RPA3: variants seen among roughly 807,000 people sequenced by gnomAD.
RPA3 encodes the protein replication protein A3.
A neutral mutation model predicts 13.7 loss-of-function variants in RPA3; 24 were observed. That is an observed-to-expected ratio of 1.75 (90% confidence interval 1.27 to 2.46). The LOEUF (loss-of-function observed/expected upper bound fraction) is 2.46. Among genes scored for constraint, RPA3 ranks in the 30% most tolerant of loss-of-function variants. The pLI is 0.00. For synonymous variants in RPA3, 59 were observed against 51.2 expected (o/e 1.15, Z -0.65); for missense variants, 183 against 151.0 (o/e 1.21, Z -1.11).
At chr7:7,714,657 G>A (rs932241480) in intron 2 of RPA3, among the ~76,000 whole-genome samples, 14 of 151,950 alleles carry the variant, frequency 9.2e-5, no homozygotes, top group Non-Finnish European at 1.8e-4. Context: ...TTATATGTTG[G>A]ACTTACATAA....
intron 2 of RPA3, among the ~76,000 whole-genome samples, chr7:7,710,601 T>C (rs569790116): frequency 1.3e-5 from 2 of 152,276 alleles, no homozygotes; most frequent in African/African-American, 4.8e-5. Flanking sequence ...TTATTGATGA[T>C]AGGAATGTAA....
rs556663225 is a variant in RPA3 at position 7,641,086 on chromosome 7, T to A, written c.-668A>T. The A allele has an allele frequency of 6.5e-6, 1 of 152,704 alleles. No homozygotes were observed. Among genetic ancestry groups the A allele is most frequent in the East Asian group, 1.9e-4 (1 of 5,184 alleles). The allele number at this position is 152,704 out of a possible 1,614,324, so 9.5% of individuals were successfully genotyped here. A position where few individuals can be genotyped will look rare whatever the true frequency, so the allele number is the denominator to read the frequency against. ...TGGGCAGCGGGGTCATCAGTGATCT[T>A]GATCACTTTCTTCAGGCTTTTGCCA... On this transcript the variant is annotated 5_prime_UTR_variant, in exon 5 of 8. Coordinates refer to ENST00000223129, the MANE Select transcript of RPA3 (RefSeq NM_002947.5).
chr7:7,670,787 C>T (rs987701475), intron 4 of RPA3, among the ~76,000 whole-genome samples: 3 of 152,212 alleles, frequency 2.0e-5, no homozygotes, highest in Admixed American at 6.5e-5. Flanking sequence ...AAACCACTCC[C>T]ATTTACAAAG....
At position 7,657,692 on chromosome 7, in the gene RPA3, C is replaced by T. The variant is rs570980097; in HGVS notation, c.-757-16517G>A. On this transcript the variant is annotated intron_variant, in intron 4 of 7. Coordinates refer to ENST00000223129, the MANE Select transcript of RPA3 (RefSeq NM_002947.5). ...GTATATCTCTGTTTTGGTACCCATA[C>T]CATGCTGTTTTGGTTACTGTAGTCT... 2.0e-5 allele frequency among the ~76,000 whole-genome samples: 3 copies of T among 152,136 alleles called. No individual in the cohort carries two copies. In the East Asian group the frequency reaches 5.8e-4, roughly 29 times the overall value.
At chr7:7,688,935 T>A (rs1247696901) in intron 2 of RPA3, among the ~76,000 whole-genome samples, 1 of 152,204 alleles carries the variant, frequency 6.6e-6, no homozygotes, top group East Asian at 1.9e-4. Context: ...TTTGTTAACT[T>A]ATCTATTACT....
intron 2 of RPA3, among the ~76,000 whole-genome samples, chr7:7,700,079 C>T (rs1780420445): frequency 6.6e-6 from 1 of 152,102 alleles, no homozygotes; most frequent in Non-Finnish European, 1.5e-5. Context: ...AGTCTGGGCT[C>T]CTTTAACAAA....
chr7:7,686,726 C>T (rs934414020), intron 3 of RPA3, among the ~76,000 whole-genome samples: 1 of 152,188 alleles, frequency 6.6e-6, no homozygotes, highest in Non-Finnish European at 1.5e-5. Context: ...CTACTAGTCC[C>T]TCAATATCTG....
At chr7:7,662,903 G>T (rs1350403452) in intron 4 of RPA3, among the ~76,000 whole-genome samples, 5 of 152,192 alleles carry the variant, frequency 3.3e-5, no homozygotes, top group Non-Finnish European at 7.3e-5. Flanking sequence ...TTTATAGTAT[G>T]CTAGAAACTA....
At chr7:7,691,598 A>AT (rs1030243794) in intron 2 of RPA3, among the ~76,000 whole-genome samples, 3 of 152,294 alleles carry the variant, frequency 2.0e-5, no homozygotes, top group African/African-American at 7.2e-5. Context: ...ATTTCAGATC[A>AT]TTTTGCTGGG....
intron 2 of RPA3, among the ~76,000 whole-genome samples, chr7:7,689,059 C>T (rs1257294306): frequency 1.3e-5 from 2 of 152,182 alleles, no homozygotes; most frequent in East Asian, 3.9e-4. Context: ...CCTACCTCTG[C>T]TTGACCATGC....
At chr7:7,666,184 T>TTTTG (rs146878102) in intron 4 of RPA3, among the ~76,000 whole-genome samples, 3,108 of 150,300 alleles carry the variant, frequency 0.021, 95 homozygotes, top group African/African-American at 0.066. Flanking sequence ...GGAAAGTGTT[T>TTTTG]TTTGTTTGTT....
rs536859025 is a variant in RPA3, at chr7:7,661,525, C to T, written c.-757-20350G>A. 5.9e-5 allele frequency among the ~76,000 whole-genome samples: 9 copies of T among 152,190 alleles called. No individual in the cohort carries two copies. The South Asian group carries it at 1.9e-3, about 32-fold the overall frequency. ...ACATCATTTTGTTGATGTTGATGCT[C>T]CTCCTTTCTGTTTGTTAGTTTTCCT... On this transcript the variant is annotated intron_variant, in intron 4 of 7. Coordinates refer to ENST00000223129, the MANE Select transcript of RPA3 (RefSeq NM_002947.5).
chr7:7,682,398 A>G (rs760030099), intron 4 of RPA3, among the ~76,000 whole-genome samples: 4 of 152,206 alleles, frequency 2.6e-5, no homozygotes, highest in Non-Finnish European at 4.4e-5. Flanking sequence ...CATTCTGGGA[A>G]CCAAACCACA....
intron 2 of RPA3, among the ~76,000 whole-genome samples, chr7:7,708,043 T>C (rs1338334671): frequency 6.6e-6 from 1 of 152,226 alleles, no homozygotes; most frequent in Non-Finnish European, 1.5e-5. Context: ...TTTGCTTCAT[T>C]AAGGTCTGTT....
chr7:7,702,937 A>G (rs1780498471), intron 2 of RPA3, among the ~76,000 whole-genome samples: 1 of 152,206 alleles, frequency 6.6e-6, no homozygotes, highest in African/African-American at 2.4e-5. Flanking sequence ...TTTATTTTTC[A>G]CTTGCGTCAT....
intron 2 of RPA3, among the ~76,000 whole-genome samples, chr7:7,707,838 A>G (rs1045485981): frequency 6.6e-6 from 1 of 152,328 alleles, no homozygotes; most frequent in Middle Eastern, 3.4e-3. Context: ...TTGCCTAGCC[A>G]GATCTTTTAA....
intron 4 of RPA3, 191 bp from the exon 5 acceptor site, chr7:7,641,366 A>ACCCCGAGCTAGGGTT (rs1329375988): frequency 4.6e-5 from 7 of 151,824 alleles, no homozygotes; most frequent in Non-Finnish European, 1.0e-4. Flanking sequence ...TCGTTGTTAG[A>ACCCCGAGCTAGGGTT]CCCCGAGCTA....
chr7:7,682,922 A>G (rs190406848), intron 4 of RPA3, among the ~76,000 whole-genome samples: 13 of 152,266 alleles, frequency 8.5e-5, no homozygotes, highest in African/African-American at 3.1e-4. Context: ...AATTAACAGT[A>G]TTTTCAGTCA....
chr7:7,703,115 T>G (rs893334692), intron 2 of RPA3, among the ~76,000 whole-genome samples: 3 of 152,216 alleles, frequency 2.0e-5, no homozygotes, highest in East Asian at 1.9e-4. Flanking sequence ...TGAATGACTC[T>G]TCATATAATT....
Sources: gnomAD v4.1 joint callset for allele counts (sites outside exome capture counted in the v4.1 genomes callset) on GRCh38, gnomAD v4.1.1 for gene constraint, MANE v1.5 for transcripts, NCBI Gene and HGNC (gene_info 2026-07-23, HGNC 2026-07-21) for gene names.